SRRM4: variants seen among roughly 807,000 people sequenced by gnomAD.
SRRM4 encodes the protein serine/arginine repetitive matrix protein 4.
A neutral mutation model predicts 68.9 loss-of-function variants in SRRM4; 33 were observed. The observed-to-expected ratio is 0.48, with a 90% CI of 0.36 to 0.64. The LOEUF is 0.64. SRRM4 is among the 30% of genes least tolerant of loss of function. The pLI is 0.00. For missense variants in SRRM4, 817 were observed against 827.1 expected, an observed-to-expected ratio of 0.99 and a Z score of 0.15; for synonymous variants, 318 against 318.8, an observed-to-expected ratio of 1.00 and a Z score of 0.03.
chr12:119,040,468 G>T (rs1020612599), intron 1 of SRRM4, among the ~76,000 whole-genome samples: 18 of 152,122 alleles, frequency 1.2e-4, no homozygotes, highest in African/African-American at 4.3e-4. Context: ...CCATTCCTGA[G>T]TTACTTCACT....
intron 1 of SRRM4, among the ~76,000 whole-genome samples, chr12:119,044,500 C>A (rs1220395082): frequency 6.8e-6 from 1 of 146,604 alleles, no homozygotes; most frequent in Non-Finnish European, 1.5e-5. Flanking sequence ...GCTTCCTAAG[C>A]CACATGTCCT....
At chr12:119,027,241 T>C (rs1017156281) in intron 1 of SRRM4, among the ~76,000 whole-genome samples, 8 of 152,334 alleles carry the variant, frequency 5.3e-5, no homozygotes, top group African/African-American at 1.7e-4. Flanking sequence ...GGAATTGTGA[T>C]CCTGTATTTC....
chr12:119,029,094 C>T (rs751631701), intron 1 of SRRM4, among the ~76,000 whole-genome samples: 1 of 152,178 alleles, frequency 6.6e-6, no homozygotes, highest in Non-Finnish European at 1.5e-5. Flanking sequence ...TGAGAAATAA[C>T]TCACAATATC....
chr12:119,012,817 A>G (rs1158888415), intron 1 of SRRM4, among the ~76,000 whole-genome samples: 2 of 152,122 alleles, frequency 1.3e-5, no homozygotes, highest in African/African-American at 2.4e-5. Flanking sequence ...CTCTATTGAT[A>G]CTTCCTCTGT....
intron 1 of SRRM4, among the ~76,000 whole-genome samples, chr12:118,987,881 A>C (rs1953292393): frequency 1.3e-5 from 2 of 152,368 alleles, no homozygotes; most frequent in South Asian, 4.1e-4. Flanking sequence ...TAAGGGAGAC[A>C]GTCTTTTTAA....
chr12:119,038,506 C>T (rs556844968), intron 1 of SRRM4, among the ~76,000 whole-genome samples: 34 of 152,302 alleles, frequency 2.2e-4, no homozygotes, highest in African/African-American at 6.5e-4. Context: ...CCACCGCACC[C>T]GGCCGAAATT....
chr12:119,122,525 G>A (rs1327729682), intron 6 of SRRM4, among the ~76,000 whole-genome samples: 2 of 152,096 alleles, frequency 1.3e-5, no homozygotes, highest in Non-Finnish European at 2.9e-5. Context: ...TACATAGTAT[G>A]TATATATCTA....
At chr12:119,115,941 T>C (rs765937220) in intron 3 of SRRM4, among the ~76,000 whole-genome samples, 5 of 152,100 alleles carry the variant, frequency 3.3e-5, no homozygotes, top group Non-Finnish European at 7.4e-5. Context: ...TGTGGAGTTT[T>C]GGAGGCTCCT....
chr12:119,059,115 C>T (rs1032174075), intron 1 of SRRM4, among the ~76,000 whole-genome samples: 4 of 152,162 alleles, frequency 2.6e-5, no homozygotes, highest in Admixed American at 6.5e-5. Flanking sequence ...CAGTCCTCAG[C>T]CCTGTAACCA....
At chr12:118,982,383 T>A (rs954604317) in intron 1 of SRRM4, among the ~76,000 whole-genome samples, 3 of 152,064 alleles carry the variant, frequency 2.0e-5, no homozygotes, top group Non-Finnish European at 4.4e-5. Context: ...TTGGGGGGTG[T>A]TGTACCAGAA....
intron 10 of SRRM4, among the ~76,000 whole-genome samples, chr12:119,152,605 A>T (rs1954446814): frequency 6.6e-6 from 1 of 152,158 alleles, no homozygotes; most frequent in South Asian, 2.1e-4. Flanking sequence ...CAGAAAAGGG[A>T]CTCTATATGG....
intron 7 of SRRM4, among the ~76,000 whole-genome samples, chr12:119,127,270 T>G (rs1479216093): frequency 1.4e-4 from 22 of 152,130 alleles, no homozygotes; most frequent in Admixed American, 1.4e-3. Flanking sequence ...ATCGTTGATG[T>G]TCAATGGGGA....
At position 119,120,598 on chromosome 12, in the gene SRRM4, C is replaced by T. The variant is rs150060216; in HGVS notation, c.464+322C>T. On this transcript the variant is annotated intron_variant, in intron 5 of 12. Transcript: ENST00000267260. ...TAGGGAAACAGTCCTGTCACACCACCAAAACCTTCCCAGATCTGGCCAAGG... is the reference window on the plus strand; with the variant it reads ...TAGGGAAACAGTCCTGTCACACCACTAAAACCTTCCCAGATCTGGCCAAGG... Among the ~76,000 whole-genome samples the T allele has an allele frequency of 5.3e-4, 81 of 152,276 alleles. 1 individual carries two copies. The highest frequency in any genetic ancestry group is 1.8e-3 in the African/African-American group (74 of 41,542).
At chr12:118,988,137 AC>A (rs1425196794) in intron 1 of SRRM4, among the ~76,000 whole-genome samples, 1 of 152,010 alleles carries the variant, frequency 6.6e-6, no homozygotes, top group Non-Finnish European at 1.5e-5. Flanking sequence ...TAAAAAAAAA[AC>A]AGCGAAGGGA....
At chr12:119,038,336 C>T (rs776151868) in intron 1 of SRRM4, among the ~76,000 whole-genome samples, 5 of 152,122 alleles carry the variant, frequency 3.3e-5, no homozygotes, top group South Asian at 2.1e-4. Flanking sequence ...CTCAGCCTCC[C>T]GAGTAGCTGG....
Position 119,158,883 on chromosome 12 carries a change from T to C in SRRM4, c.*2085T>C, listed in dbSNP as rs1052607610. The C allele has an allele frequency of 6.6e-6, 1 of 152,588 alleles. No individual in the cohort carries two copies. Among genetic ancestry groups the C allele is most frequent in the Non-Finnish European group, 1.5e-5 (1 of 68,068 alleles). The allele number at this position is 152,588 out of a possible 1,614,324, so 9.5% of individuals were successfully genotyped here. ...TCCTAGCAAACCTTTTTATTTATTT[T>C]ATTTATTTATCTATTTATTTATTTG... is the stretch of plus-strand genomic sequence containing the variant. On this transcript the variant is annotated 3_prime_UTR_variant, in exon 13 of 13. Transcript: ENST00000267260.
At chr12:119,089,181 G>T (rs1158616339) in intron 1 of SRRM4, among the ~76,000 whole-genome samples, 3 of 152,106 alleles carry the variant, frequency 2.0e-5, no homozygotes, top group African/African-American at 7.2e-5. Flanking sequence ...TGGTCGGGAG[G>T]GTGCTGTGCC....
chr12:118,987,891 A>T (rs1465639409), intron 1 of SRRM4, among the ~76,000 whole-genome samples: 2 of 152,216 alleles, frequency 1.3e-5, no homozygotes, highest in East Asian at 3.8e-4. Context: ...AGTCTTTTTA[A>T]TTTTTAAAAT....
In SRRM4 at chr12:119,162,918, G is replaced by C. The variant is rs1200573004; in HGVS notation, c.*6120G>C. ...ATCCTGGGACCCTGTCCTCTGCCCA[G>C]TGACACAGCAGCCATGGCTAGCTTG... On this transcript the variant is annotated 3_prime_UTR_variant, in exon 13 of 13. Transcript: ENST00000267260. 6.6e-6 allele frequency: 1 copy of C among 152,228 alleles called. No homozygotes were observed. The allele number at this position is 152,228 out of a possible 1,614,324, so 9.4% of individuals were successfully genotyped here. A position where few individuals can be genotyped will look rare whatever the true frequency, so the allele number is the denominator to read the frequency against.
Sources: allele counts gnomAD v4.1 joint callset (sites outside exome capture counted in the v4.1 genomes callset), GRCh38; gene constraint gnomAD v4.1.1; transcripts MANE v1.5; gene names NCBI Gene and HGNC (gene_info 2026-07-23, HGNC 2026-07-21).